Variants in FAM107B observed in about 807,000 individuals in gnomAD.
FAM107B encodes protein FAM107B.
FAM107B carries 21 observed loss-of-function variants against 31.5 expected under a neutral mutation model. The observed-to-expected ratio is 0.67, with a 90% CI of 0.47 to 0.96. The LOEUF (loss-of-function observed/expected upper bound fraction) is 0.96, where lower values mean the gene tolerates loss of function less well. FAM107B is among the 40% of genes least tolerant of loss of function. FAM107B has a pLI of 0.00. For missense variants in FAM107B, 452 were observed against 377.1 expected, an observed-to-expected ratio of 1.20 and a Z score of -1.64; for synonymous variants, 157 against 141.5, an observed-to-expected ratio of 1.11 and a Z score of -0.78.
rs11259310 is a variant in FAM107B, at chr10:14,755,730, A to G, written c.411+18523T>C. On this transcript the variant is annotated intron_variant, in intron 1 of 4. Transcript: ENST00000181796. ...AAATCCATAATCACAAGGTGTTTAT[A>G]TCTTTAAGATGATGAGGAAAGAACT... 6.7e-3 allele frequency among the ~76,000 whole-genome samples: 1,017 copies of G among 152,352 alleles called. 11 individuals carry two copies. Among genetic ancestry groups the G allele is most frequent in the African/African-American group, 0.023 (975 of 41,582 alleles).
rs1174004659 is a variant in FAM107B at position 14,519,235 on chromosome 10, G to A, written c.*1955C>T. 1.3e-5 allele frequency: 2 copies of A among 151,860 alleles called. No homozygotes were observed. The highest frequency in any genetic ancestry group is 6.6e-5 in the Admixed American group (1 of 15,262). The allele number at this position is 151,860 out of a possible 1,614,324, so 9.4% of individuals were successfully genotyped here. A position where few individuals can be genotyped will look rare whatever the true frequency, so the allele number is the denominator to read the frequency against. ...ATGGTCCTTCTAAAGGAGCCTACCA[G>A]GGCCCCTGTGAATACGATCAAGTGG... is the stretch of plus-strand genomic sequence containing the variant. On this transcript the variant is annotated 3_prime_UTR_variant, in exon 5 of 5. Transcript: ENST00000181796.
chr10:14,733,054 T>A (rs1016996566), intron 1 of FAM107B, among the ~76,000 whole-genome samples: 30 of 147,390 alleles, frequency 2.0e-4, no homozygotes, highest in Non-Finnish European at 4.0e-4. Flanking sequence ...TATAATTATA[T>A]CTAATAATTA....
chr10:14,548,216 C>T (rs1167102258), intron 2 of FAM107B, among the ~76,000 whole-genome samples: 1 of 152,152 alleles, frequency 6.6e-6, no homozygotes, highest in African/African-American at 2.4e-5. Flanking sequence ...GGGAGCAAGA[C>T]GTGGTCCAGG....
At chr10:14,569,311 A>C (rs11259193) in intron 2 of FAM107B, among the ~76,000 whole-genome samples, 28,427 of 152,186 alleles carry the variant, frequency 0.19, 2,901 homozygotes, top group East Asian at 0.41. Flanking sequence ...AATAAAAGTC[A>C]GAAGGAAGAT....
At chr10:14,644,782 A>G (rs35772238) in intron 2 of FAM107B, among the ~76,000 whole-genome samples, 57,081 of 152,136 alleles carry the variant, frequency 0.38, 12,142 homozygotes, top group Non-Finnish European at 0.47. Context: ...ACTACAAAAC[A>G]CAAAAACCAT....
chr10:14,589,486 T>C (rs1170112106), intron 2 of FAM107B, among the ~76,000 whole-genome samples: 2 of 152,198 alleles, frequency 1.3e-5, no homozygotes, highest in African/African-American at 2.4e-5. Context: ...TAAGAGTATA[T>C]GGAAAGTCCT....
intron 2 of FAM107B, among the ~76,000 whole-genome samples, chr10:14,598,394 C>T (rs144784801): frequency 2.0e-5 from 3 of 152,226 alleles, no homozygotes; most frequent in East Asian, 3.9e-4. Flanking sequence ...GAAGCAGTTC[C>T]GCCACAAGCA....
intron 1 of FAM107B, among the ~76,000 whole-genome samples, chr10:14,761,832 C>G (rs1311853008): frequency 1.3e-5 from 2 of 152,138 alleles, no homozygotes; most frequent in African/African-American, 4.8e-5. Flanking sequence ...CTCCTGGCCT[C>G]AAGTGATCCG....
intron 1 of FAM107B, among the ~76,000 whole-genome samples, chr10:14,678,271 C>T (rs1439274283): frequency 6.6e-6 from 1 of 152,064 alleles, no homozygotes; most frequent in East Asian, 1.9e-4. Context: ...TTTGCACCTC[C>T]CAGAGTGGAT....
intron 2 of FAM107B, among the ~76,000 whole-genome samples, chr10:14,541,091 G>A (rs935855316): frequency 6.6e-6 from 1 of 151,952 alleles, no homozygotes; most frequent in African/African-American, 2.4e-5. Flanking sequence ...GTACAGAATC[G>A]ATCATCAGTT....
chr10:14,627,046 A>C (rs1189234913), intron 2 of FAM107B, among the ~76,000 whole-genome samples: 1 of 152,160 alleles, frequency 6.6e-6, no homozygotes, highest in African/African-American at 2.4e-5. Flanking sequence ...TCTTAATTAG[A>C]TATGACCATA....
chr10:14,683,072 G>A (rs745712207), intron 1 of FAM107B, among the ~76,000 whole-genome samples: 1 of 152,152 alleles, frequency 6.6e-6, no homozygotes, highest in African/African-American at 2.4e-5. Flanking sequence ...GGGTGAAGAT[G>A]TTGTCTAAAG....
chr10:14,674,760 G>A lies in FAM107B; in HGVS notation c.412-7069C>T, dbSNP rs140127695. Among the ~76,000 whole-genome samples the A allele has an allele frequency of 7.6e-4, 116 of 152,202 alleles. 1 individual carries two copies. Among genetic ancestry groups the A allele is most frequent in the African/African-American group, 2.4e-3 (100 of 41,518 alleles). ...TTTTGTTTTGTTGAGACAGGGTCTC[G>A]CTCTCGCTCTGTTGCCCAGGCTGGA... On this transcript the variant is annotated intron_variant, in intron 1 of 4. Transcript: ENST00000181796.
At chr10:14,627,254 T>C (rs1219312422) in intron 2 of FAM107B, among the ~76,000 whole-genome samples, 2 of 152,252 alleles carry the variant, frequency 1.3e-5, no homozygotes, top group African/African-American at 4.8e-5. Flanking sequence ...AATCTGATTC[T>C]ACCAAAACAT....
chr10:14,525,093 G>C (rs1846078378), intron 3 of FAM107B, among the ~76,000 whole-genome samples: 1 of 152,188 alleles, frequency 6.6e-6, no homozygotes, highest in Admixed American at 6.5e-5. Context: ...AACTTTCTGT[G>C]CTGAATGCAA....
intron 1 of FAM107B, among the ~76,000 whole-genome samples, chr10:14,773,359 A>G (rs1260131616): frequency 2.0e-5 from 3 of 152,248 alleles, no homozygotes; most frequent in African/African-American, 7.2e-5. Flanking sequence ...CGGATGTGGA[A>G]AAATGATTTA....
At chr10:14,524,939 G>T (rs546612659) in intron 3 of FAM107B, among the ~76,000 whole-genome samples, 1 of 152,270 alleles carries the variant, frequency 6.6e-6, no homozygotes, top group Non-Finnish European at 1.5e-5. Context: ...TCCTTTCAAA[G>T]ATTTTACACA....
At chr10:14,762,771 C>T (rs990242956) in intron 1 of FAM107B, among the ~76,000 whole-genome samples, 44 of 149,788 alleles carry the variant, frequency 2.9e-4, no homozygotes, top group African/African-American at 8.5e-4. Flanking sequence ...CACACACACA[C>T]ACACACACAC....
intron 2 of FAM107B, among the ~76,000 whole-genome samples, chr10:14,612,822 G>C (rs1481622276): frequency 6.6e-6 from 1 of 152,006 alleles, no homozygotes; most frequent in African/African-American, 2.4e-5. Context: ...TAAAAATGGA[G>C]ACATAACTGT....
Sources: gnomAD v4.1 joint callset for allele counts (sites outside exome capture counted in the v4.1 genomes callset) on GRCh38, gnomAD v4.1.1 for gene constraint, MANE v1.5 for transcripts, NCBI Gene and HGNC (gene_info 2026-07-23, HGNC 2026-07-21) for gene names.